NTRK3: variants seen among roughly 807,000 people sequenced by gnomAD.
NTRK3 encodes NT-3 growth factor receptor.
In NTRK3, 24 loss-of-function variants were observed where a neutral mutation model predicts 91.7. The ratio of observed to expected loss-of-function variants is 0.26; its 90% CI spans 0.19 to 0.37. The LOEUF is 0.37. Ranked by LOEUF, NTRK3 falls within the 10% of genes least tolerant of loss-of-function variation. The probability of loss-of-function intolerance (pLI) is 1.00; values close to 1 mark genes in which losing one functional copy is unlikely to be tolerated. For missense variants in NTRK3, 880 were observed against 1,068.9 expected (o/e 0.82, Z 2.46); for synonymous variants, 483 against 404.0 (o/e 1.20, Z -2.34).
At chr15:88,083,539 G>A (rs559023273) in intron 13 of NTRK3, among the ~76,000 whole-genome samples, 4 of 152,206 alleles carry the variant, frequency 2.6e-5, no homozygotes, top group East Asian at 1.9e-4. Flanking sequence ...TTCTAATAGC[G>A]TGTCTGAACC....
intron 5 of NTRK3, among the ~76,000 whole-genome samples, chr15:88,182,934 C>T: frequency 6.6e-6 from 1 of 152,164 alleles, no homozygotes; most frequent in Non-Finnish European, 1.5e-5. Flanking sequence ...GTTTCCACTT[C>T]TCTGAGCTTT....
intron 3 of NTRK3, among the ~76,000 whole-genome samples, chr15:88,236,638 A>G (rs774885691): frequency 6.8e-6 from 1 of 146,254 alleles, no homozygotes; most frequent in Non-Finnish European, 1.5e-5. Flanking sequence ...GAGACTCAGA[A>G]GGGGAAGGAC....
chr15:88,067,619 G>C (rs1290660346), intron 13 of NTRK3, among the ~76,000 whole-genome samples: 1 of 152,196 alleles, frequency 6.6e-6, no homozygotes, highest in Non-Finnish European at 1.5e-5. Flanking sequence ...AGGTCAGAGA[G>C]GACGTGGGAG....
chr15:87,958,817 C>G (rs1020094702), intron 14 of NTRK3, among the ~76,000 whole-genome samples: 1 of 152,094 alleles, frequency 6.6e-6, no homozygotes, highest in Non-Finnish European at 1.5e-5. Context: ...CACCCCAACT[C>G]TGGGACATGG....
intron 14 of NTRK3, among the ~76,000 whole-genome samples, chr15:88,008,292 TCTACCAA>T (rs1425961090): frequency 6.6e-6 from 1 of 152,156 alleles, no homozygotes; most frequent in East Asian, 1.9e-4. Context: ...TGGTTCTATT[TCTACCAA>T]TGCCACCAAC....
intron 13 of NTRK3, among the ~76,000 whole-genome samples, chr15:88,117,824 C>G (rs2052268128): frequency 6.6e-6 from 1 of 152,222 alleles, no homozygotes; most frequent in Non-Finnish European, 1.5e-5. Context: ...GGAAGAGAGA[C>G]AGGGAGTGTT....
At chr15:88,192,402 G>C (rs745930493) in intron 3 of NTRK3, among the ~76,000 whole-genome samples, 15 of 152,084 alleles carry the variant, frequency 9.9e-5, no homozygotes, top group Non-Finnish European at 1.9e-4. Flanking sequence ...CTGCTGCCTG[G>C]GCTGGCACAG....
intron 3 of NTRK3, among the ~76,000 whole-genome samples, chr15:88,187,951 A>G (rs2151647285): frequency 6.6e-6 from 1 of 152,234 alleles, no homozygotes; most frequent in East Asian, 1.9e-4. Context: ...AAAAAAAGAA[A>G]AAATCAATAC....
intron 14 of NTRK3, among the ~76,000 whole-genome samples, chr15:87,983,097 T>C (rs2074436280): frequency 6.6e-6 from 1 of 152,270 alleles, no homozygotes; most frequent in African/African-American, 2.4e-5. Flanking sequence ...AATGCAGTTC[T>C]ATAGAATTAT....
At chr15:88,026,636 A>C (rs1442978170) in intron 14 of NTRK3, among the ~76,000 whole-genome samples, 2 of 152,210 alleles carry the variant, frequency 1.3e-5, no homozygotes, top group Non-Finnish European at 2.9e-5. Context: ...TTGCGGCTTT[A>C]ATTAATAAAA....
At chr15:87,867,102 C>T (rs983431691) in exon 19 of NTRK3, 1 of 225,418 alleles carries the variant, frequency 4.4e-6, no homozygotes, top group Non-Finnish European at 8.8e-6. Flanking sequence ...CAGACTGAGG[C>T]ATTATAATAG....
Position 88,243,969 on chromosome 15 carries a change from A to T in NTRK3, c.248+11937T>A, listed in dbSNP as rs1222064910. On this transcript the variant is annotated intron_variant, in intron 3 of 18. Coordinates refer to ENST00000394480, the Ensembl canonical transcript of NTRK3. This position sits in a 1 kb window ranked among gnomAD's most constrained non-coding sequence, Gnocchi z 4.8. ...GAAGGGGAGAAATTCTGCTAATGAA[A>T]CCTCTGAAGCCAATATCCACTAACC... Among the ~76,000 whole-genome samples, 2 of 151,872 alleles carry T rather than the reference A, an allele frequency of 1.3e-5. No homozygotes were observed. The highest frequency in any genetic ancestry group is 2.9e-5 in the Non-Finnish European group (2 of 67,964).
At chr15:88,003,493 T>C (rs1443470604) in intron 14 of NTRK3, among the ~76,000 whole-genome samples, 1 of 152,202 alleles carries the variant, frequency 6.6e-6, no homozygotes, top group Non-Finnish European at 1.5e-5. Flanking sequence ...AGGTAACATA[T>C]TGGTCTAATT....
intron 17 of NTRK3, among the ~76,000 whole-genome samples, chr15:87,909,150 C>A (rs1457676082): frequency 6.6e-6 from 1 of 152,096 alleles, no homozygotes. Context: ...CACTGAATGT[C>A]ACCACCATGG....
intron 6 of NTRK3, among the ~76,000 whole-genome samples, chr15:88,143,399 G>C (rs1168894194): frequency 2.0e-5 from 3 of 152,328 alleles, no homozygotes; most frequent in African/African-American, 7.2e-5. Context: ...AGCCTTTGAA[G>C]GGAGTGTGGC....
chr15:88,008,931 C>A (rs899887615), intron 14 of NTRK3, among the ~76,000 whole-genome samples: 3 of 152,192 alleles, frequency 2.0e-5, no homozygotes, highest in Admixed American at 6.5e-5. Flanking sequence ...GACCAGCCCC[C>A]CTCGGGCCTA....
At chr15:88,180,761 G>A (rs1242697613) in intron 5 of NTRK3, among the ~76,000 whole-genome samples, 1 of 150,966 alleles carries the variant, frequency 6.6e-6, no homozygotes, top group South Asian at 2.1e-4. Context: ...TGATTGCTCA[G>A]CTGGGGCCAG....
intron 6 of NTRK3, among the ~76,000 whole-genome samples, chr15:88,141,536 G>T (rs2042388892): frequency 6.6e-6 from 1 of 152,236 alleles, no homozygotes; most frequent in Admixed American, 6.5e-5. Context: ...AACCAGGTCA[G>T]CCTGGTTTTC....
intron 14 of NTRK3, among the ~76,000 whole-genome samples, chr15:87,952,246 AAAGAAAG>A (rs1235521060): frequency 4.1e-5 from 6 of 145,122 alleles, no homozygotes; most frequent in African/African-American, 1.7e-4. Flanking sequence ...AAAGAAAAAG[AAAGAAAG>A]AGAAAGAAAA....
Sources: allele counts gnomAD v4.1 joint callset (sites outside exome capture counted in the v4.1 genomes callset), GRCh38; gene constraint gnomAD v4.1.1; non-coding constraint Gnocchi (gnomAD v3.1); transcripts MANE v1.5; gene names NCBI Gene and HGNC (gene_info 2026-07-23, HGNC 2026-07-21).